KLF12: variants seen among roughly 807,000 people sequenced by gnomAD.
KLF12 encodes Krueppel-like factor 12.
A neutral mutation model predicts 37.8 loss-of-function variants in KLF12; 9 were observed. That is an observed-to-expected ratio of 0.24 (90% confidence interval 0.14 to 0.42). The LOEUF is 0.42. Ranked by LOEUF, KLF12 falls within the 10% of genes least tolerant of loss-of-function variation. KLF12 has a pLI of 1.00. For synonymous variants in KLF12, 208 were observed against 202.1 expected (o/e 1.03, Z -0.25); for missense variants, 411 against 516.0 (o/e 0.80, Z 1.97).
intron 6 of KLF12, among the ~76,000 whole-genome samples, chr13:73,756,409 T>G (rs1280778785): frequency 6.6e-6 from 1 of 152,120 alleles, no homozygotes; most frequent in Non-Finnish European, 1.5e-5. Flanking sequence ...AGATCAACAC[T>G]CTTAGGTTTC....
the KLF12 span, among the ~76,000 whole-genome samples, chr13:74,188,869 C>G: frequency 3.9e-5 from 6 of 151,962 alleles, no homozygotes; most frequent in African/African-American, 1.5e-4. Context: ...TGGTGGTGCG[C>G]GCCTGTAATC....
chr13:73,780,116 A>G (rs1293387636), intron 5 of KLF12, among the ~76,000 whole-genome samples: 2 of 152,214 alleles, frequency 1.3e-5, no homozygotes, highest in East Asian at 3.8e-4. Flanking sequence ...ATGTGACCGA[A>G]TGGCTACAAT....
chr13:73,898,101 G>A (rs1407202269), intron 3 of KLF12, among the ~76,000 whole-genome samples: 1 of 152,078 alleles, frequency 6.6e-6, no homozygotes, highest in Non-Finnish European at 1.5e-5. Flanking sequence ...CATCTACATA[G>A]ATTTCACTTC....
At chr13:73,977,106 G>A (rs566337030) in intron 2 of KLF12, among the ~76,000 whole-genome samples, 9 of 149,714 alleles carry the variant, frequency 6.0e-5, no homozygotes, top group African/African-American at 2.0e-4. Context: ...ATTGGAGTCC[G>A]GTGGCATGAT....
intron 2 of KLF12, among the ~76,000 whole-genome samples, chr13:73,978,282 T>TA (rs1891596821): frequency 6.6e-6 from 1 of 151,792 alleles, no homozygotes; most frequent in Non-Finnish European, 1.5e-5. Context: ...AAAAAGAGTG[T>TA]AAAAAAATGT....
chr13:74,208,394 TG>T, the KLF12 span, among the ~76,000 whole-genome samples: 2 of 152,206 alleles, frequency 1.3e-5, no homozygotes, highest in African/African-American at 4.8e-5. Context: ...TCACTAATTA[TG>T]TGTAATTAAG....
At chr13:74,117,390 A>G (rs566167049) in intron 1 of KLF12, among the ~76,000 whole-genome samples, 63 of 152,336 alleles carry the variant, frequency 4.1e-4, no homozygotes, top group African/African-American at 1.3e-3. Context: ...AAAACCAGAA[A>G]AATCTAAATA....
chr13:74,081,780 T>C (rs143330689), intron 1 of KLF12, among the ~76,000 whole-genome samples: 15 of 152,296 alleles, frequency 9.8e-5, no homozygotes, highest in East Asian at 3.9e-4. Flanking sequence ...TTCTCCTATA[T>C]TACTCGTGCC....
chr13:73,708,413 T>C (rs775078268), intron 7 of KLF12, among the ~76,000 whole-genome samples: 13 of 152,226 alleles, frequency 8.5e-5, no homozygotes, highest in Non-Finnish European at 1.6e-4. Flanking sequence ...ATTTTATCTT[T>C]ATTTTGCCTT....
the KLF12 span, among the ~76,000 whole-genome samples, chr13:74,209,555 C>CAG: frequency 6.6e-6 from 1 of 150,514 alleles, no homozygotes. Context: ...CACACACACA[C>CAG]ACAGACAATT....
At chr13:74,164,385 A>C in the KLF12 span, among the ~76,000 whole-genome samples, 4 of 152,192 alleles carry the variant, frequency 2.6e-5, no homozygotes, top group East Asian at 7.7e-4. Flanking sequence ...CAAATTAGTC[A>C]TATTTTAATT....
chr13:73,879,449 T>C (rs1357804649), intron 3 of KLF12, among the ~76,000 whole-genome samples: 3 of 152,208 alleles, frequency 2.0e-5, no homozygotes, highest in Non-Finnish European at 4.4e-5. Flanking sequence ...AGTAGGTAAT[T>C]ATACACTGTA....
chr13:73,976,744 T>C (rs769818456), intron 2 of KLF12, among the ~76,000 whole-genome samples: 2 of 152,180 alleles, frequency 1.3e-5, no homozygotes, highest in African/African-American at 2.4e-5. Context: ...AACAGGCATT[T>C]AGGTAAGATG....
At position 73,836,185 on chromosome 13, in the gene KLF12, T is replaced by C. The variant is rs75721370; in HGVS notation, c.670+9642A>G. The stretch of plus-strand genomic sequence containing the variant: ...CCAGTAAATTGGTAGCTCTTTTTTA[T>C]TTATTGGATAGAAAGACAAATATCA... On this transcript the variant is annotated intron_variant, in intron 4 of 7. Coordinates refer to ENST00000377669, the MANE Select transcript of KLF12 (RefSeq NM_007249.5). Among the ~76,000 whole-genome samples, 1,106 of 152,322 alleles carry C rather than the reference T, an allele frequency of 7.3e-3. 17 individuals carry two copies. The highest frequency in any genetic ancestry group is 0.025 in the African/African-American group (1,023 of 41,578).
intron 1 of KLF12, among the ~76,000 whole-genome samples, chr13:74,106,384 T>C (rs370273927): frequency 1.3e-5 from 2 of 152,204 alleles, no homozygotes; most frequent in East Asian, 1.9e-4. Flanking sequence ...TTGTGATTAA[T>C]ATACTTCACT....
upstream of KLF12, among the ~76,000 whole-genome samples, chr13:74,137,324 G>A (rs1593931504): frequency 6.6e-6 from 1 of 152,208 alleles, no homozygotes; most frequent in South Asian, 2.1e-4. Context: ...GGGGTTGAAA[G>A]TATCTGTCGA....
the KLF12 span, among the ~76,000 whole-genome samples, chr13:74,184,279 A>C: frequency 6.6e-6 from 1 of 152,232 alleles, no homozygotes; most frequent in Non-Finnish European, 1.5e-5. Flanking sequence ...AACACTAATA[A>C]ATATCATTTC....
chr13:74,277,802 T>C, the KLF12 span, among the ~76,000 whole-genome samples: 3 of 152,176 alleles, frequency 2.0e-5, no homozygotes, highest in African/African-American at 7.2e-5. Flanking sequence ...ACAAGGTCAG[T>C]CTTGCTGTCC....
At chr13:74,068,699 G>A (rs866682292) in intron 1 of KLF12, among the ~76,000 whole-genome samples, 3 of 152,032 alleles carry the variant, frequency 2.0e-5, no homozygotes, top group Middle Eastern at 3.4e-3. Flanking sequence ...TGGGACCACA[G>A]GCATGCGTCA....
Sources: allele counts gnomAD v4.1 joint callset (sites outside exome capture counted in the v4.1 genomes callset), GRCh38; gene constraint gnomAD v4.1.1; transcripts MANE v1.5; gene names NCBI Gene and HGNC (gene_info 2026-07-23, HGNC 2026-07-21).